PID1: variants seen among roughly 807,000 people sequenced by gnomAD.
PID1 encodes the protein PTB-containing, cubilin and LRP1-interacting protein.
Under a neutral mutation model 19.1 loss-of-function variants are expected in PID1, and 10 were observed. That is an observed-to-expected ratio of 0.52 (90% CI 0.32 to 0.89). The LOEUF (loss-of-function observed/expected upper bound fraction) is 0.89. PID1 is among the 40% of genes least tolerant of loss of function. PID1 has a pLI of 0.03. For synonymous variants in PID1, 130 were observed against 116.0 expected, an observed-to-expected ratio of 1.12 and a Z score of -0.78; for missense variants, 248 against 285.3, an observed-to-expected ratio of 0.87 and a Z score of 0.94.
chr2:229,156,044 G>A (rs2106195790), intron 1 of PID1, 80 bp from the exon 2 acceptor site: 1 of 1,333,058 alleles, frequency 7.5e-7, no homozygotes, highest in Non-Finnish European at 1.0e-6. Context: ...AAACCCAGTA[G>A]CAACTTGTTT....
At chr2:229,247,180 C>A (rs1690026420) in intron 1 of PID1, among the ~76,000 whole-genome samples, 2 of 152,114 alleles carry the variant, frequency 1.3e-5, no homozygotes, top group South Asian at 4.1e-4. Flanking sequence ...GCTTCAGCTG[C>A]AAATGAAAGA....
chr2:229,079,003 A>G (rs1160321291), intron 2 of PID1, among the ~76,000 whole-genome samples: 1 of 152,264 alleles, frequency 6.6e-6, no homozygotes, highest in Non-Finnish European at 1.5e-5. Context: ...AAGTGATGCT[A>G]TGTTTCCAAA....
intron 2 of PID1, among the ~76,000 whole-genome samples, chr2:229,137,531 T>C (rs1406758734): frequency 2.0e-5 from 3 of 152,220 alleles, no homozygotes; most frequent in Non-Finnish European, 4.4e-5. Context: ...AATTAGATAC[T>C]AATGGTTTCA....
intron 1 of PID1, among the ~76,000 whole-genome samples, chr2:229,270,643 CAAAAAA>C (rs368188721): frequency 7.7e-5 from 9 of 116,384 alleles, no homozygotes; most frequent in Admixed American, 8.5e-5. Flanking sequence ...CTGGTGACCA[CAAAAAA>C]AAAAAAAAAA....
At chr2:229,228,153 CT>C in intron 1 of PID1, 1 of 425,038 alleles carries the variant, frequency 2.4e-6, no homozygotes, top group South Asian at 1.7e-5. Context: ...TTGATGGGAT[CT>C]TTGTGGAGCA....
At chr2:229,105,010 C>G (rs1695145872) in intron 2 of PID1, among the ~76,000 whole-genome samples, 1 of 152,220 alleles carries the variant, frequency 6.6e-6, no homozygotes, top group Non-Finnish European at 1.5e-5. Flanking sequence ...AATTCCCAAG[C>G]AGCAAACAGA....
intron 1 of PID1, among the ~76,000 whole-genome samples, chr2:229,237,237 G>A (rs1639612697): frequency 6.6e-6 from 1 of 152,066 alleles, no homozygotes. Context: ...ATATGTTCAA[G>A]GAATTAGGAA....
At chr2:229,253,735 T>C (rs766142683) in intron 1 of PID1, among the ~76,000 whole-genome samples, 7 of 152,170 alleles carry the variant, frequency 4.6e-5, no homozygotes, top group Non-Finnish European at 1.0e-4. Context: ...CATGGCTCCT[T>C]CACTTTTCCC....
chr2:229,223,626 G>A (rs1692017905), intron 1 of PID1, among the ~76,000 whole-genome samples: 1 of 152,222 alleles, frequency 6.6e-6, no homozygotes, highest in South Asian at 2.1e-4. Flanking sequence ...GCGATGTGGA[G>A]TCTGGAGTCA....
At chr2:229,256,222 AG>A (rs1293660593) in intron 1 of PID1, among the ~76,000 whole-genome samples, 5 of 152,316 alleles carry the variant, frequency 3.3e-5, no homozygotes, top group East Asian at 3.9e-4. Context: ...ATGGAACAGC[AG>A]CTGCTCAGTG....
chr2:229,220,291 C>T (rs1002772490), intron 1 of PID1, among the ~76,000 whole-genome samples: 2 of 152,184 alleles, frequency 1.3e-5, no homozygotes, highest in Non-Finnish European at 1.5e-5. Flanking sequence ...TGTTGGGTGA[C>T]TTGTCTAGAA....
intron 2 of PID1, among the ~76,000 whole-genome samples, chr2:229,139,338 C>A (rs1294725227): frequency 6.6e-6 from 1 of 152,154 alleles, no homozygotes; most frequent in Non-Finnish European, 1.5e-5. Context: ...GAGTCAAATG[C>A]TGCAGCCTAA....
chr2:229,142,433 T>C (rs1690034870), intron 2 of PID1, among the ~76,000 whole-genome samples: 1 of 152,070 alleles, frequency 6.6e-6, no homozygotes, highest in Non-Finnish European at 1.5e-5. Flanking sequence ...TGGAAAACAT[T>C]CAGTCGTAAA....
At chr2:229,136,482 T>C (rs1295242343) in intron 2 of PID1, among the ~76,000 whole-genome samples, 1 of 152,242 alleles carries the variant, frequency 6.6e-6, no homozygotes, top group Non-Finnish European at 1.5e-5. Context: ...CAGTGTTTTC[T>C]GGTATTTCAC....
At chr2:229,218,225 A>G (rs548632663) in intron 1 of PID1, among the ~76,000 whole-genome samples, 3 of 151,500 alleles carry the variant, frequency 2.0e-5, no homozygotes, top group African/African-American at 7.3e-5. Context: ...AGTTCACAAC[A>G]TAAGTTTGTA....
chr2:229,165,008 C>T (rs1180862282), intron 1 of PID1, among the ~76,000 whole-genome samples: 2 of 152,188 alleles, frequency 1.3e-5, no homozygotes, highest in African/African-American at 2.4e-5. Flanking sequence ...AGTGCTGGTG[C>T]TCACACAGGG....
chr2:229,090,295 A>G (rs1359633), intron 2 of PID1, among the ~76,000 whole-genome samples: 94,163 of 152,088 alleles, frequency 0.62, 31,912 homozygotes, highest in Non-Finnish European at 0.77. Flanking sequence ...AGGAATCTAC[A>G]GAATAACAGA....
chr2:229,194,630 C>T, intron 1 of PID1, among the ~76,000 whole-genome samples: 1 of 151,730 alleles, frequency 6.6e-6, no homozygotes. Flanking sequence ...CTCTAGGTTC[C>T]TTAATAAAAT....
At chr2:229,189,833 G>A (rs1691218542) in intron 1 of PID1, among the ~76,000 whole-genome samples, 1 of 152,164 alleles carries the variant, frequency 6.6e-6, no homozygotes, top group Admixed American at 6.5e-5. Context: ...CCAAAATGTG[G>A]GAGTGCCTCA....
Sources: allele counts gnomAD v4.1 joint callset (sites outside exome capture counted in the v4.1 genomes callset), GRCh38; gene constraint gnomAD v4.1.1; transcripts MANE v1.5; gene names NCBI Gene and HGNC (gene_info 2026-07-23, HGNC 2026-07-21).